The following ZNF609 variants were observed in gnomAD, a reference collection of about 807,000 sequenced individuals.
ZNF609 encodes the protein zinc finger protein 609.
ZNF609 carries 11 observed loss-of-function variants against 109.5 expected under a neutral mutation model. That is an observed-to-expected ratio of 0.10 (90% CI 0.06 to 0.17). The LOEUF is 0.17. Among genes scored for constraint, ZNF609 ranks in the 10% least tolerant of loss-of-function variants. The probability of loss-of-function intolerance (pLI) is 1.00; values close to 1 mark genes in which losing one functional copy is unlikely to be tolerated. For synonymous variants in ZNF609, 646 were observed against 662.0 expected (o/e 0.98, Z 0.37); for missense variants, 1,559 against 1,772.4 (o/e 0.88, Z 2.16).
intron 1 of ZNF609, among the ~76,000 whole-genome samples, chr15:64,486,503 GA>G (rs1020033726): frequency 8.4e-5 from 12 of 142,414 alleles, no homozygotes; most frequent in African/African-American, 3.1e-4. Context: ...CAGCCCAGGT[GA>G]CAGAGTGAGA....
chr15:64,468,413 A>C, intron 1 of ZNF609, among the ~76,000 whole-genome samples: 1 of 149,970 alleles, frequency 6.7e-6, no homozygotes, highest in African/African-American at 2.5e-5. Flanking sequence ...ATGCCACCAC[A>C]CCTGGCTAAT....
At chr15:64,642,215 G>A (rs564555574) in intron 3 of ZNF609, among the ~76,000 whole-genome samples, 31 of 151,996 alleles carry the variant, frequency 2.0e-4, no homozygotes, top group Non-Finnish European at 3.7e-4. Context: ...ACAGAGTCTC[G>A]TTCTGTCACC....
intron 2 of ZNF609, among the ~76,000 whole-genome samples, chr15:64,596,658 G>A (rs762016283): frequency 6.6e-6 from 1 of 152,074 alleles, no homozygotes; most frequent in Non-Finnish European, 1.5e-5. Flanking sequence ...CCTAATAGCA[G>A]TTTCTAATTT....
At chr15:64,605,239 G>T (rs1895575647) in intron 2 of ZNF609, among the ~76,000 whole-genome samples, 1 of 152,174 alleles carries the variant, frequency 6.6e-6, no homozygotes, top group Non-Finnish European at 1.5e-5. Context: ...AAGGAAGAAA[G>T]AAACAGTATA....
intron 2 of ZNF609, among the ~76,000 whole-genome samples, chr15:64,566,205 C>G (rs1225044878): frequency 6.6e-6 from 1 of 152,184 alleles, no homozygotes; most frequent in African/African-American, 2.4e-5. Flanking sequence ...TGGCTCACAC[C>G]TGAAATCCCA....
intron 2 of ZNF609, among the ~76,000 whole-genome samples, chr15:64,554,702 A>T (rs1017628641): frequency 2.0e-5 from 3 of 152,184 alleles, no homozygotes; most frequent in Non-Finnish European, 2.9e-5. Flanking sequence ...CATTGATTAA[A>T]TTTCAGGTGT....
At chr15:64,629,656 A>G (rs763209148) in intron 3 of ZNF609, among the ~76,000 whole-genome samples, 3 of 152,276 alleles carry the variant, frequency 2.0e-5, no homozygotes, top group Middle Eastern at 3.4e-3. Flanking sequence ...TTCTGCTTAC[A>G]TCTTGTTGGC....
At chr15:64,562,575 G>A (rs1894697119) in intron 2 of ZNF609, among the ~76,000 whole-genome samples, 1 of 152,120 alleles carries the variant, frequency 6.6e-6, no homozygotes, top group Admixed American at 6.5e-5. Context: ...AGCCACACAA[G>A]TGCTTAGAGT....
rs1285048398 is a variant in ZNF609 at position 64,605,339 on chromosome 15, T to C, written c.748-17488T>C. 2.0e-5 allele frequency among the ~76,000 whole-genome samples: 3 copies of C among 152,096 alleles called. No individual in the cohort carries two copies. In the South Asian group the frequency reaches 6.2e-4, roughly 32 times the overall value. ...GAAGGAATGTATTTCCCAAAGGTAATAGAGATTCCCCTGCTAGAAGAAGGG... is the reference window on the plus strand; with the variant it reads ...GAAGGAATGTATTTCCCAAAGGTAACAGAGATTCCCCTGCTAGAAGAAGGG... On this transcript the variant is annotated intron_variant, in intron 2 of 9. Transcript: ENST00000326648.
chr15:64,672,859 G>A (rs984244846), intron 4 of ZNF609, among the ~76,000 whole-genome samples: 5 of 150,962 alleles, frequency 3.3e-5, no homozygotes, highest in African/African-American at 4.9e-5. Flanking sequence ...AGCTACTCGG[G>A]AGCCTGAGGC....
intron 3 of ZNF609, chr15:64,631,564 C>T: frequency 5.8e-6 from 3 of 515,818 alleles, no homozygotes; most frequent in East Asian, 8.8e-5. Flanking sequence ...CGGAGTTTCG[C>T]TCTTGTTGCC....
rs1001322126 is a variant in ZNF609 at position 64,486,396 on chromosome 15, C to T, written c.-127-12897C>T. On this transcript the variant is annotated intron_variant, in intron 1 of 9. Transcript: ENST00000326648. ...AAAATTAGCCGGGTGTGGCGACGTGCGCCTGTAGTCCCGGCTATTCAGGAG... is the reference window on the plus strand; with the variant it reads ...AAAATTAGCCGGGTGTGGCGACGTGTGCCTGTAGTCCCGGCTATTCAGGAG... 6.6e-5 allele frequency among the ~76,000 whole-genome samples: 10 copies of T among 151,996 alleles called. No homozygotes were observed. In the East Asian group the frequency reaches 9.7e-4, roughly 15 times the overall value.
At chr15:64,489,193 G>A (rs564592485) in intron 1 of ZNF609, among the ~76,000 whole-genome samples, 42 of 147,786 alleles carry the variant, frequency 2.8e-4, no homozygotes, top group Non-Finnish European at 4.5e-4. Context: ...TTGTTTTTTT[G>A]TTTTTCTTTT....
chr15:64,561,031 A>T (rs1271949245), intron 2 of ZNF609, among the ~76,000 whole-genome samples: 1 of 152,182 alleles, frequency 6.6e-6, no homozygotes, highest in Non-Finnish European at 1.5e-5. Context: ...GCAACTGCCT[A>T]CTTAAACTGA....
chr15:64,622,761 C>A, intron 2 of ZNF609, 66 bp from the exon 3 acceptor site: 1 of 1,367,534 alleles, frequency 7.3e-7, no homozygotes, highest in Non-Finnish European at 1.0e-6. Flanking sequence ...AGATTAAATA[C>A]AGAAAAGGTA....
At chr15:64,605,874 C>G (rs1402750029) in intron 2 of ZNF609, among the ~76,000 whole-genome samples, 1 of 141,160 alleles carries the variant, frequency 7.1e-6, no homozygotes, top group Non-Finnish European at 1.5e-5. Flanking sequence ...GCTGGGATTA[C>G]AGGCGCCTGC....
intron 2 of ZNF609, among the ~76,000 whole-genome samples, chr15:64,622,435 T>A (rs1000562454): frequency 1.3e-5 from 2 of 152,230 alleles, no homozygotes; most frequent in Non-Finnish European, 2.9e-5. Context: ...ATACCTCAGA[T>A]GCTGGGCCTT....
intron 1 of ZNF609, among the ~76,000 whole-genome samples, chr15:64,484,491 C>T (rs1404013081): frequency 6.6e-6 from 1 of 151,898 alleles, no homozygotes. Flanking sequence ...GCCTGGCCAA[C>T]ATGGTGAAAC....
chr15:64,526,809 G>C (rs994629265), intron 2 of ZNF609, among the ~76,000 whole-genome samples: 15 of 151,946 alleles, frequency 9.9e-5, no homozygotes, highest in African/African-American at 3.4e-4. Flanking sequence ...GGCTATTTTT[G>C]TTGTTGTTTT....
Sources: allele counts gnomAD v4.1 joint callset (sites outside exome capture counted in the v4.1 genomes callset), GRCh38; gene constraint gnomAD v4.1.1; transcripts MANE v1.5; gene names NCBI Gene and HGNC (gene_info 2026-07-23, HGNC 2026-07-21).